The following CTNNA2 variants were observed in gnomAD, a reference collection of about 807,000 sequenced individuals.
CTNNA2 encodes the protein catenin alpha 2.
CTNNA2 carries 42 observed loss-of-function variants against 101.0 expected under a neutral mutation model. The ratio of observed to expected loss-of-function variants is 0.42; its 90% CI spans 0.32 to 0.54. The LOEUF (loss-of-function observed/expected upper bound fraction) is 0.54, where lower values mean the gene tolerates loss of function less well. Ranked by LOEUF, CTNNA2 falls within the 20% of genes least tolerant of loss-of-function variation. The pLI is 0.14. For synonymous variants in CTNNA2, 450 were observed against 456.4 expected (o/e 0.99, Z 0.18); for missense variants, 871 against 1,223.1 (o/e 0.71, Z 4.29).
intron 2 of CTNNA2, among the ~76,000 whole-genome samples, chr2:79,734,283 T>G (rs1200942083): frequency 6.6e-6 from 1 of 152,104 alleles, no homozygotes; most frequent in Admixed American, 6.6e-5. Context: ...GTGTAGACAT[T>G]GAAAGTTGTA....
chr2:79,376,749 C>T (rs1227157841), intron 4 of CTNNA2, among the ~76,000 whole-genome samples: 1 of 152,060 alleles, frequency 6.6e-6, no homozygotes, highest in East Asian at 1.9e-4. Flanking sequence ...GGTTTTTTGT[C>T]CTTGCGATAG....
intron 18 of CTNNA2, among the ~76,000 whole-genome samples, chr2:80,646,701 C>G (rs979342874): frequency 1.3e-5 from 2 of 151,884 alleles, no homozygotes; most frequent in African/African-American, 4.8e-5. Context: ...AAAGGTAACC[C>G]AAAATATTCC....
intron 11 of CTNNA2, among the ~76,000 whole-genome samples, chr2:80,552,229 G>C (rs1692622103): frequency 6.6e-6 from 1 of 152,066 alleles, no homozygotes; most frequent in Non-Finnish European, 1.5e-5. Context: ...TTGCAAAACT[G>C]TCATACAGAG....
intron 7 of CTNNA2, among the ~76,000 whole-genome samples, chr2:80,010,559 C>T (rs1201138874): frequency 6.6e-6 from 1 of 152,118 alleles, no homozygotes; most frequent in Non-Finnish European, 1.5e-5. Context: ...GTGTCTTGGC[C>T]TTCCAAAGTT....
At chr2:80,330,913 G>A (rs1224606570) in intron 7 of CTNNA2, among the ~76,000 whole-genome samples, 1 of 152,122 alleles carries the variant, frequency 6.6e-6, no homozygotes, top group Non-Finnish European at 1.5e-5. Flanking sequence ...GGGCCCCCAG[G>A]CTAATATTTC....
intron 2 of CTNNA2, among the ~76,000 whole-genome samples, chr2:79,276,175 G>A (rs1675208261): frequency 6.6e-6 from 1 of 152,124 alleles, no homozygotes; most frequent in Non-Finnish European, 1.5e-5. Flanking sequence ...AGATTAAGAA[G>A]AGCATTCTAG....
chr2:80,307,205 G>A (rs1395651413), intron 7 of CTNNA2, among the ~76,000 whole-genome samples: 2 of 151,940 alleles, frequency 1.3e-5, no homozygotes, highest in East Asian at 3.9e-4. Flanking sequence ...TGGCAGAACC[G>A]TATACATTAA....
At chr2:79,766,873 A>C (rs1216333235) in intron 3 of CTNNA2, among the ~76,000 whole-genome samples, 1 of 151,778 alleles carries the variant, frequency 6.6e-6, no homozygotes, top group African/African-American at 2.4e-5. Context: ...CTCCTGCCTC[A>C]GCCTCCCAAG....
chr2:80,052,371 T>C (rs1219204599), intron 7 of CTNNA2, among the ~76,000 whole-genome samples: 1 of 152,160 alleles, frequency 6.6e-6, no homozygotes, highest in Non-Finnish European at 1.5e-5. Context: ...TATACAAAAG[T>C]GTGTATGATA....
chr2:80,079,370 A>T (rs1698964934), intron 7 of CTNNA2, among the ~76,000 whole-genome samples: 1 of 152,218 alleles, frequency 6.6e-6, no homozygotes, highest in African/African-American at 2.4e-5. Context: ...AGTAGTGACC[A>T]CATTGGCCTG....
intron 1 of CTNNA2, among the ~76,000 whole-genome samples, chr2:79,611,435 GAC>G (rs1459320672): frequency 2.0e-5 from 3 of 152,274 alleles, no homozygotes; most frequent in Admixed American, 2.0e-4. Flanking sequence ...GAAAAAGAGA[GAC>G]ACAGTTCCCG....
chr2:79,837,447 C>T (rs1174031712), intron 3 of CTNNA2, among the ~76,000 whole-genome samples: 1 of 152,196 alleles, frequency 6.6e-6, no homozygotes, highest in African/African-American at 2.4e-5. Context: ...GCATCACCCT[C>T]ACAGACACAC....
intron 7 of CTNNA2, among the ~76,000 whole-genome samples, chr2:79,913,531 A>G (rs1487432010): frequency 6.6e-6 from 1 of 152,172 alleles, no homozygotes; most frequent in Non-Finnish European, 1.5e-5. Flanking sequence ...GAAAAATGCC[A>G]TGATTCAGGT....
chr2:79,514,810 G>A (rs1419488027), intron 1 of CTNNA2: 2 of 152,212 alleles, frequency 1.3e-5, no homozygotes, highest in Admixed American at 6.5e-5. Context: ...TGTGTTTAAG[G>A]AGTATGTGTG....
At chr2:80,609,280 C>T (rs960562709) in intron 17 of CTNNA2, among the ~76,000 whole-genome samples, 13 of 151,738 alleles carry the variant, frequency 8.6e-5, no homozygotes, top group African/African-American at 3.1e-4. Flanking sequence ...GAAGTTTGGC[C>T]ATTTGGTAAA....
At chr2:80,149,493 TA>T (rs577581688) in intron 7 of CTNNA2, among the ~76,000 whole-genome samples, 365 of 152,300 alleles carry the variant, frequency 2.4e-3, no homozygotes, top group African/African-American at 7.9e-3. Flanking sequence ...CTCTGTTCAC[TA>T]CAGCCAATTA....
intron 3 of CTNNA2, among the ~76,000 whole-genome samples, chr2:79,318,627 A>C (rs1344428790): frequency 6.6e-6 from 1 of 152,234 alleles, no homozygotes; most frequent in East Asian, 1.9e-4. Context: ...GTGAAGGCCT[A>C]AGGAATATTC....
At chr2:80,191,311 C>G (rs1706484831) in intron 7 of CTNNA2, among the ~76,000 whole-genome samples, 1 of 152,134 alleles carries the variant, frequency 6.6e-6, no homozygotes, top group Non-Finnish European at 1.5e-5. Flanking sequence ...TCCAACAAAC[C>G]CCAGCATGAA....
At chr2:80,644,277 C>G (rs1300930894) in intron 18 of CTNNA2, among the ~76,000 whole-genome samples, 3 of 152,078 alleles carry the variant, frequency 2.0e-5, no homozygotes, top group Non-Finnish European at 2.9e-5. Context: ...TTAAATCACA[C>G]AATTAAAAGG....
Sources: allele counts gnomAD v4.1 joint callset (sites outside exome capture counted in the v4.1 genomes callset), GRCh38; gene constraint gnomAD v4.1.1; transcripts MANE v1.5; gene names NCBI Gene and HGNC (gene_info 2026-07-23, HGNC 2026-07-21).